KATNIP: variants seen among roughly 807,000 people sequenced by gnomAD.
The protein encoded by KATNIP is katanin-interacting protein.
Under a neutral mutation model 174.0 loss-of-function variants are expected in KATNIP, and 126 were observed. That is an observed-to-expected ratio of 0.72 (90% CI 0.63 to 0.84). KATNIP has a LOEUF of 0.84. Ranked by LOEUF, KATNIP falls within the 40% of genes least tolerant of loss-of-function variation. KATNIP has a pLI of 0.00. For missense variants in KATNIP, 1,958 were observed against 2,109.7 expected, an observed-to-expected ratio of 0.93 and a Z score of 1.41; for synonymous variants, 810 against 835.7, an observed-to-expected ratio of 0.97 and a Z score of 0.53.
intron 14 of KATNIP, among the ~76,000 whole-genome samples, chr16:27,726,991 G>A (rs1200340353): frequency 6.6e-6 from 1 of 152,230 alleles, no homozygotes; most frequent in Non-Finnish European, 1.5e-5. Context: ...GCCCATCTGA[G>A]ACCATGTGGC....
chr16:27,715,976 T>TAA (rs34034289), intron 13 of KATNIP, among the ~76,000 whole-genome samples: 3 of 143,790 alleles, frequency 2.1e-5, no homozygotes, highest in Non-Finnish European at 3.1e-5. Flanking sequence ...TACATTTATT[T>TAA]AAAAAAAAAA....
intron 1 of KATNIP, 119 bp downstream of exon 1, chr16:27,550,296 G>A: frequency 1.0e-5 from 12 of 1,192,442 alleles, no homozygotes; most frequent in Non-Finnish European, 1.4e-5. Context: ...GACCCAAGGG[G>A]GTCTCCGAAA....
At chr16:27,772,476 C>T (rs1597424761) in intron 22 of KATNIP, among the ~76,000 whole-genome samples, 1 of 152,356 alleles carries the variant, frequency 6.6e-6, no homozygotes, top group African/African-American at 2.4e-5. Flanking sequence ...CGGCCTGCTC[C>T]TGGGAGTGCG....
intron 5 of KATNIP, among the ~76,000 whole-genome samples, chr16:27,647,369 T>C (rs1266499735): frequency 4.0e-5 from 6 of 151,850 alleles, no homozygotes; most frequent in Non-Finnish European, 5.9e-5. Context: ...AAAGACAGGG[T>C]GTCACATTGT....
intron 3 of KATNIP, among the ~76,000 whole-genome samples, chr16:27,620,550 G>A (rs1290550341): frequency 2.0e-5 from 3 of 152,008 alleles, no homozygotes; most frequent in Non-Finnish European, 4.4e-5. Flanking sequence ...CAATCAAGAG[G>A]AGAAAAAAAA....
At chr16:27,663,702 G>A (rs745806015) in intron 6 of KATNIP, among the ~76,000 whole-genome samples, 10 of 151,096 alleles carry the variant, frequency 6.6e-5, no homozygotes, top group Admixed American at 4.6e-4. Context: ...CAGGTGATCC[G>A]CCTGCCTTGG....
chr16:27,766,715 G>A (rs959829381), intron 20 of KATNIP, among the ~76,000 whole-genome samples: 1 of 152,188 alleles, frequency 6.6e-6, no homozygotes, highest in Non-Finnish European at 1.5e-5. Flanking sequence ...GTGCTGGGGG[G>A]TCCTAGGCAG....
At chr16:27,589,070 A>ATT (rs755208446) in intron 2 of KATNIP, among the ~76,000 whole-genome samples, 4 of 126,780 alleles carry the variant, frequency 3.2e-5, no homozygotes, top group Non-Finnish European at 3.4e-5. Context: ...TAATTTTTGT[A>ATT]TTTTTTTTTT....
intron 6 of KATNIP, 22 bp from the exon 7 acceptor site, chr16:27,677,707 C>T: frequency 6.3e-7 from 1 of 1,587,418 alleles, no homozygotes; most frequent in Non-Finnish European, 8.6e-7. Flanking sequence ...TATCTCTCAT[C>T]TCTCTTCTGG....
chr16:27,698,312 T>C lies in KATNIP; in HGVS notation c.941-16T>C. On this transcript the variant is annotated splice_polypyrimidine_tract_variant and intron_variant, in intron 8 of 27. Coordinates refer to ENST00000261588, the MANE Select transcript of KATNIP (RefSeq NM_015202.5). ...AATATAATCTAAAAGAACGTCCCCC[T>C]GTCTTCTGCCCTCAGGACCTGGAAG... 3 of 1,597,176 alleles carry C rather than the reference T, an allele frequency of 1.9e-6. No homozygotes were observed. The highest frequency in any genetic ancestry group is 8.6e-7 in the Non-Finnish European group (1 of 1,169,216).
At chr16:27,559,979 TA>T (rs1232396883) in intron 1 of KATNIP, among the ~76,000 whole-genome samples, 1 of 149,726 alleles carries the variant, frequency 6.7e-6, no homozygotes, top group Non-Finnish European at 1.5e-5. Context: ...AGACTCTGTA[TA>T]AAAAAAATAA....
Position 27,618,406 on chromosome 16 carries a change from C to A in KATNIP, c.64-19C>A, listed in dbSNP as rs1209783585. ...TTCCCTGCATTCCGATATCACACTG[C>A]TCTGTTTCTTCATTTCAGGGTTACG... On this transcript the variant is annotated intron_variant, in intron 2 of 27. Transcript: ENST00000261588. The A allele has an allele frequency of 1.3e-6, 2 of 1,590,482 alleles. No homozygotes were observed. The highest frequency in any genetic ancestry group is 1.3e-5 in the African/African-American group (1 of 74,424).
intron 1 of KATNIP, among the ~76,000 whole-genome samples, chr16:27,568,486 G>T (rs535325227): frequency 1.4e-3 from 202 of 148,098 alleles, no homozygotes; most frequent in Non-Finnish European, 2.2e-3. Context: ...TTTTTTTTTT[G>T]AGACCAAGTC....
chr16:27,609,454 G>A (rs142316286), intron 2 of KATNIP, among the ~76,000 whole-genome samples: 1,917 of 133,536 alleles, frequency 0.014, 54 homozygotes, highest in African/African-American at 0.048. Flanking sequence ...GCAGTGGCGC[G>A]ATCTCAGCTC....
At chr16:27,587,633 G>A (rs1007815465) in intron 2 of KATNIP, among the ~76,000 whole-genome samples, 1 of 152,064 alleles carries the variant, frequency 6.6e-6, no homozygotes, top group African/African-American at 2.4e-5. Flanking sequence ...ATGTGCTCAC[G>A]GCACTTAAAT....
intron 5 of KATNIP, among the ~76,000 whole-genome samples, chr16:27,631,993 C>T (rs888872926): frequency 2.6e-5 from 4 of 152,202 alleles, no homozygotes; most frequent in Non-Finnish European, 4.4e-5. Context: ...AATATTGTCC[C>T]TCTTTATAAG....
chr16:27,770,420 T>G (rs953783136), intron 21 of KATNIP, among the ~76,000 whole-genome samples: 5 of 152,224 alleles, frequency 3.3e-5, no homozygotes, highest in Admixed American at 1.3e-4. Flanking sequence ...TTCACTGGGA[T>G]TTCTCGGCCC....
intron 5 of KATNIP, among the ~76,000 whole-genome samples, chr16:27,638,834 G>GCTT (rs1478460256): frequency 1.2e-5 from 1 of 85,162 alleles, no homozygotes; most frequent in African/African-American, 4.9e-5. Context: ...TGTCTTGCTG[G>GCTT]ATTTTTTTTT....
intron 8 of KATNIP, among the ~76,000 whole-genome samples, chr16:27,697,152 T>A (rs551960125): frequency 1.1e-3 from 166 of 152,324 alleles, no homozygotes; most frequent in African/African-American, 3.7e-3. Context: ...ATGATTTATA[T>A]TCCTTTGGGT....
Sources: gnomAD v4.1 joint callset for allele counts (sites outside exome capture counted in the v4.1 genomes callset) on GRCh38, gnomAD v4.1.1 for gene constraint, MANE v1.5 for transcripts, NCBI Gene and HGNC (gene_info 2026-07-23, HGNC 2026-07-21) for gene names.